Variants in MYRF observed in about 807,000 individuals in gnomAD.
MYRF encodes myelin regulatory factor.
In MYRF, 16 loss-of-function variants were observed where a neutral mutation model predicts 126.3. The observed-to-expected ratio is 0.13, with a 90% CI of 0.09 to 0.19. The LOEUF (loss-of-function observed/expected upper bound fraction) is 0.19. Ranked by LOEUF, MYRF falls within the 10% of genes least tolerant of loss-of-function variation. MYRF has a pLI of 1.00. For synonymous variants in MYRF, 608 were observed against 635.3 expected (o/e 0.96, Z 0.65); for missense variants, 1,104 against 1,547.0 (o/e 0.71, Z 4.80).
chr11:61,757,193 C>T lies in MYRF; in HGVS notation c.46+4403C>T, dbSNP rs576493372. On this transcript the variant is annotated intron_variant, in intron 1 of 26. Transcript: ENST00000278836. The surrounding 1 kb of genome is among the most constrained non-coding windows in gnomAD (Gnocchi z 4.7). ...CCTCTCCTATCTCCAGGCCTTCAGC[C>T]CCGGCTGCCACGGGGTGTGGGTACC... 6.6e-6 allele frequency: 3 copies of T among 456,846 alleles called. No individual in the cohort carries two copies. Among genetic ancestry groups the T allele is most frequent in the South Asian group, 4.6e-5 (3 of 64,540 alleles). The allele number at this position is 456,846 out of a possible 1,614,324, so 28.3% of individuals were successfully genotyped here. A position where few individuals can be genotyped will look rare whatever the true frequency, so the allele number is the denominator to read the frequency against.
At chr11:61,767,383 G>C in intron 3 of MYRF, 2 of 456,666 alleles carry the variant, frequency 4.4e-6, no homozygotes, top group Non-Finnish European at 8.8e-6. Flanking sequence ...ACCCCACAAG[G>C]AGCCCTGGCC....
Position 61,779,557 on chromosome 11 carries a change from A to C in MYRF, c.2234A>C (p.Lys745Thr). 1 of 1,504,168 alleles carries C rather than the reference A, an allele frequency of 6.6e-7. No homozygotes were observed. Among genetic ancestry groups the C allele is most frequent in the Non-Finnish European group, 8.9e-7 (1 of 1,126,868 alleles). 93.2% of individuals were successfully genotyped at this position (1,504,168 alleles called of 1,614,324 possible). A position where few individuals can be genotyped will look rare whatever the true frequency, so the allele number is the denominator to read the frequency against. Residue 745 changes from lysine to threonine, a missense_variant, in exon 16 of 27, where the codon AAG (lysine) becomes ACG (threonine). Physicochemically the swap from Lys to Thr is moderately conservative, Grantham distance 78. This residue lies in a region of MYRF where 323 missense variants were observed against 383.1 expected (regional missense o/e 0.84). Coordinates refer to ENST00000278836, the MANE Select transcript of MYRF (RefSeq NM_001127392.3). ...GTCCCCCACAAGAAGAGGCCCCCCA[A>C]GGTGGCCAGCAAGGTAGGGGTGAGC... ...GSVPHKKRPP[K>T]VASKSSSVVP... is the part of the protein sequence containing the mutation.
Position 61,769,333 on chromosome 11 carries a change from G to A in MYRF, c.460+12G>A, listed in dbSNP as rs551600613. The A allele has an allele frequency of 1.3e-5, 21 of 1,604,386 alleles. No individual in the cohort carries two copies. In the Admixed American group the frequency reaches 2.4e-4, roughly 18 times the overall value. Reference sequence around the variant, plus strand: ...CCAGCAGGTGAATGGTGAGTCCAGCGGGCACCGCCCTCCTGCTCCAGGGTT... The same window carrying A: ...CCAGCAGGTGAATGGTGAGTCCAGCAGGCACCGCCCTCCTGCTCCAGGGTT... On this transcript the variant is annotated intron_variant, in intron 4 of 26. Transcript: ENST00000278836.
intron 7 of MYRF, among the ~76,000 whole-genome samples, chr11:61,773,130 C>G (rs1272177111): frequency 1.3e-5 from 2 of 151,944 alleles, no homozygotes; most frequent in Non-Finnish European, 2.9e-5. Flanking sequence ...CTCAGCCTCC[C>G]AAGTAGCTGG....
At chr11:61,773,609 C>T (rs1323439065) in intron 7 of MYRF, among the ~76,000 whole-genome samples, 2 of 152,300 alleles carry the variant, frequency 1.3e-5, no homozygotes, top group East Asian at 3.9e-4. Flanking sequence ...GGGCTTCAGG[C>T]AGCCTTCTGG....
intron 5 of MYRF, 100 bp from the exon 6 acceptor site, chr11:61,771,400 C>G (rs977385942): frequency 2.0e-6 from 3 of 1,493,082 alleles, no homozygotes; most frequent in African/African-American, 1.4e-5. Flanking sequence ...GGGGCACATC[C>G]TGGCCCAAAC....
chr11:61,760,188 C>T (rs889264855), intron 1 of MYRF, among the ~76,000 whole-genome samples: 5 of 152,118 alleles, frequency 3.3e-5, no homozygotes, highest in South Asian at 2.1e-4. Context: ...AAGCTGGTCT[C>T]GAACTCCTGA....
chr11:61,764,705 G>A (rs2066002734), intron 1 of MYRF, among the ~76,000 whole-genome samples: 1 of 152,196 alleles, frequency 6.6e-6, no homozygotes, highest in Non-Finnish European at 1.5e-5. Flanking sequence ...CCTGCAAGGT[G>A]ACCCTGGGAG....
chr11:61,779,680 T>C, intron 16 of MYRF, 110 bp downstream of exon 16: 1 of 1,239,054 alleles, frequency 8.1e-7, no homozygotes, highest in South Asian at 1.6e-5. Context: ...TCCCTCTCCT[T>C]GTGACTCTGT....
rs769853818 is a variant in MYRF at position 61,780,676 on chromosome 11, G to C, written c.2406-36G>C. 5 of 1,537,888 alleles carry C rather than the reference G, an allele frequency of 3.3e-6. No individual in the cohort carries two copies. Among genetic ancestry groups the C allele is most frequent in the Non-Finnish European group, 4.4e-6 (5 of 1,136,892 alleles). On this transcript the variant is annotated intron_variant, in intron 18 of 26. Coordinates refer to ENST00000278836, the MANE Select transcript of MYRF (RefSeq NM_001127392.3). ...TGTGTCTTCTCTTCTCTTCCCCTTT[G>C]CCTGTCTCACCCTTTGCCTTTTTGC...
At chr11:61,766,502 C>G in intron 3 of MYRF, 1 of 435,696 alleles carries the variant, frequency 2.3e-6, no homozygotes, top group East Asian at 3.5e-5. Flanking sequence ...GGAGAGTGGA[C>G]AGGAAGCGGC....
intron 3 of MYRF, chr11:61,768,923 A>G: frequency 4.1e-6 from 1 of 246,744 alleles, no homozygotes. Flanking sequence ...GTGGGGCTTC[A>G]GTGGGTGCAG....
chr11:61,766,510 G>A (rs140381656), intron 3 of MYRF: 19 of 421,514 alleles, frequency 4.5e-5, no homozygotes, highest in African/African-American at 3.2e-4. Flanking sequence ...GACAGGAAGC[G>A]GCGGGACTGG....
chr11:61,765,260 A>G (rs1243052803), intron 1 of MYRF, among the ~76,000 whole-genome samples: 4 of 152,226 alleles, frequency 2.6e-5, no homozygotes, highest in African/African-American at 9.6e-5. Context: ...ACAGCACCCC[A>G]TAAGACAGAG....
chr11:61,767,227 T>C (rs1371266130), intron 3 of MYRF: 2 of 456,752 alleles, frequency 4.4e-6, no homozygotes, highest in South Asian at 3.1e-5. Context: ...TGCTTGAGGC[T>C]GTGAGGCTGT....
At position 61,776,823 on chromosome 11, in the gene MYRF, A is replaced by C; in HGVS notation, c.1536A>C (p.Ala512=). 1.9e-6 allele frequency: 3 copies of C among 1,608,392 alleles called. No individual in the cohort carries two copies. The highest frequency in any genetic ancestry group is 2.5e-6 in the Non-Finnish European group (3 of 1,177,730). ...TGGTGGTGGCCCTCCAGGCTCATGCACAGAACCAGAACTACACGCTGGCCG... is the reference window on the plus strand; with the variant it reads ...TGGTGGTGGCCCTCCAGGCTCATGCCCAGAACCAGAACTACACGCTGGCCG... ...FMLVVALQAH[A]QNQNYTLAAQ... The change falls in exon 11 of 27, where the codon GCA becomes GCC. Residue 512 remains alanine (A), a synonymous_variant. Transcript: ENST00000278836. This position sits in a 1 kb window ranked among gnomAD's most constrained non-coding sequence, Gnocchi z 4.3.
At chr11:61,780,828 TG>T (rs527327736) in intron 19 of MYRF, 36 bp downstream of exon 19, 5 of 1,552,620 alleles carry the variant, frequency 3.2e-6, no homozygotes, top group Non-Finnish European at 4.3e-6. Context: ...CTCTGGCTCC[TG>T]CTGCCCCTCT....
intron 8 of MYRF, 63 bp downstream of exon 8, chr11:61,774,225 C>A: frequency 2.1e-6 from 3 of 1,453,494 alleles, no homozygotes; most frequent in East Asian, 2.4e-5. Context: ...CTGAAAGACC[C>A]CAGAAAAAGC....
intron 3 of MYRF, among the ~76,000 whole-genome samples, 192 bp from the exon 4 acceptor site, chr11:61,769,068 A>G (rs1310831204): frequency 1.3e-5 from 2 of 152,178 alleles, no homozygotes; most frequent in South Asian, 2.1e-4. Flanking sequence ...CCTACCCACA[A>G]TTCGGCCCCA....
Sources: gnomAD v4.1 joint callset for allele counts (sites outside exome capture counted in the v4.1 genomes callset) on GRCh38, gnomAD v4.1.1 for gene constraint, gnomAD v4.1.1 regional missense constraint, Gnocchi (gnomAD v3.1) non-coding constraint, MANE v1.5 for transcripts, NCBI Gene and HGNC (gene_info 2026-07-23, HGNC 2026-07-21) for gene names.